ULK4: variants seen among roughly 807,000 people sequenced by gnomAD.
ULK4 encodes inactive serine/threonine-protein kinase ULK4.
Under a neutral mutation model 160.6 loss-of-function variants are expected in ULK4, and 133 were observed. The observed-to-expected ratio is 0.83, with a 90% CI of 0.72 to 0.96. The LOEUF (loss-of-function observed/expected upper bound fraction) is 0.96, where lower values mean the gene tolerates loss of function less well. ULK4 is among the 40% of genes least tolerant of loss of function. ULK4 has a pLI of 0.00. For synonymous variants in ULK4, 534 were observed against 539.8 expected, an observed-to-expected ratio of 0.99 and a Z score of 0.15; for missense variants, 1,580 against 1,499.5, an observed-to-expected ratio of 1.05 and a Z score of -0.89.
Position 41,531,436 on chromosome 3 carries a change from G to A in ULK4, c.3226+34589C>T, listed in dbSNP as rs557084717. ...AGCCTAGGTGACAGAGCAAGACTCC[G>A]TCTCAAAAAGAGGGGAGGGGAGGGG... On this transcript the variant is annotated intron_variant, in intron 32 of 36. Transcript: ENST00000301831. Among the ~76,000 whole-genome samples the A allele has an allele frequency of 7.2e-4, 73 of 100,796 alleles. 2 individuals carry two copies. In the South Asian group the frequency reaches 0.031, roughly 43 times the overall value. 66.1% of individuals were successfully genotyped at this position (100,796 alleles called of 152,430 possible).
At chr3:41,937,663 T>C (rs1423372926) in intron 3 of ULK4, among the ~76,000 whole-genome samples, 1 of 152,182 alleles carries the variant, frequency 6.6e-6, no homozygotes, top group Non-Finnish European at 1.5e-5. Context: ...GCAATAGCTA[T>C]AACTTGTTAT....
At chr3:41,327,534 T>C (rs1414652531) in intron 35 of ULK4, among the ~76,000 whole-genome samples, 1 of 152,194 alleles carries the variant, frequency 6.6e-6, no homozygotes, top group African/African-American at 2.4e-5. Flanking sequence ...TCCAAATTCC[T>C]GATTATTAAC....
At chr3:41,400,280 A>G (rs2082152684) in intron 34 of ULK4, among the ~76,000 whole-genome samples, 1 of 152,098 alleles carries the variant, frequency 6.6e-6, no homozygotes. Context: ...TCACATGTGT[A>G]GATTTGGTGA....
At chr3:41,550,698 G>C (rs1005932012) in intron 32 of ULK4, among the ~76,000 whole-genome samples, 1 of 151,862 alleles carries the variant, frequency 6.6e-6, no homozygotes, top group Non-Finnish European at 1.5e-5. Context: ...TGGGGATTTT[G>C]ACATAACACT....
chr3:41,765,898 G>A lies in ULK4; in HGVS notation c.2194-11410C>T, dbSNP rs117108138. Among the ~76,000 whole-genome samples the A allele has an allele frequency of 6.0e-4, 92 of 152,222 alleles. No homozygotes were observed. In the East Asian group the frequency reaches 7.5e-3, roughly 12 times the overall value. On this transcript the variant is annotated intron_variant, in intron 21 of 36. Coordinates refer to ENST00000301831, the MANE Select transcript of ULK4 (RefSeq NM_017886.4). ...TATGAACAAGAAACAACTGATAAAA[G>A]GACTCTACCACCAATAAGCAAATTA... is the stretch of plus-strand genomic sequence containing the variant.
At chr3:41,252,545 A>C (rs866297859) in intron 35 of ULK4, among the ~76,000 whole-genome samples, 5 of 151,876 alleles carry the variant, frequency 3.3e-5, no homozygotes. Flanking sequence ...CAATAAAAGG[A>C]ATGAGTCAGT....
intron 16 of ULK4, among the ~76,000 whole-genome samples, chr3:41,890,755 GGGA>G: frequency 3.4e-5 from 1 of 29,822 alleles, no homozygotes; most frequent in South Asian, 1.1e-3. Flanking sequence ...AGGGACGGGA[GGGA>G]CGGGAGGGAC....
intron 31 of ULK4, among the ~76,000 whole-genome samples, chr3:41,601,922 G>A (rs1414154303): frequency 1.3e-5 from 2 of 152,070 alleles, no homozygotes; most frequent in African/African-American, 4.8e-5. Flanking sequence ...GGCTGGACAT[G>A]GTGGCTTATA....
At chr3:41,369,622 G>A (rs546288982) in intron 35 of ULK4, among the ~76,000 whole-genome samples, 2 of 151,786 alleles carry the variant, frequency 1.3e-5, no homozygotes, top group African/African-American at 2.4e-5. Context: ...GTGAAAACCC[G>A]TCTCTACTAA....
intron 34 of ULK4, among the ~76,000 whole-genome samples, chr3:41,427,035 A>G (rs2082792439): frequency 6.6e-6 from 1 of 152,156 alleles, no homozygotes; most frequent in Non-Finnish European, 1.5e-5. Flanking sequence ...TAAAGAAGAA[A>G]AGAGAGTTGA....
intron 21 of ULK4, among the ~76,000 whole-genome samples, chr3:41,788,611 A>G (rs2040062477): frequency 6.6e-6 from 1 of 151,900 alleles, no homozygotes; most frequent in Admixed American, 6.6e-5. Context: ...AACAGCGTGA[A>G]CCCAGGAGGC....
intron 22 of ULK4, among the ~76,000 whole-genome samples, chr3:41,726,080 A>G (rs1313172273): frequency 6.6e-6 from 1 of 152,244 alleles, no homozygotes; most frequent in Non-Finnish European, 1.5e-5. Context: ...ACTTGTCTAT[A>G]AGGAATAAAT....
chr3:41,920,354 C>T (rs1452009572), intron 5 of ULK4, among the ~76,000 whole-genome samples: 1 of 152,192 alleles, frequency 6.6e-6, no homozygotes, highest in African/African-American at 2.4e-5. Context: ...ACTTAGTTGG[C>T]TTTGACCAGG....
At chr3:41,949,226 T>C (rs1295790821) in intron 2 of ULK4, among the ~76,000 whole-genome samples, 2 of 151,600 alleles carry the variant, frequency 1.3e-5, no homozygotes, top group Non-Finnish European at 2.9e-5. Flanking sequence ...GGAGAATCGT[T>C]TGAACCTGGG....
intron 34 of ULK4, among the ~76,000 whole-genome samples, chr3:41,449,263 A>G (rs1025375346): frequency 6.6e-6 from 1 of 151,766 alleles, no homozygotes; most frequent in Non-Finnish European, 1.5e-5. Flanking sequence ...AGGTCTCACT[A>G]TGTTGCCCAG....
intron 35 of ULK4, among the ~76,000 whole-genome samples, chr3:41,314,680 A>G (rs1035528410): frequency 3.9e-5 from 6 of 152,220 alleles, no homozygotes; most frequent in African/African-American, 1.4e-4. Context: ...ATCCGTTTTT[A>G]ATTTAACTGT....
At chr3:41,461,929 G>A (rs915026474) in intron 33 of ULK4, among the ~76,000 whole-genome samples, 22 of 152,166 alleles carry the variant, frequency 1.4e-4, no homozygotes, top group Non-Finnish European at 3.1e-4. Flanking sequence ...GAGAGGAAAA[G>A]ATAGGAGAAA....
chr3:41,762,680 T>G (rs2039026590), intron 21 of ULK4, among the ~76,000 whole-genome samples: 1 of 136,302 alleles, frequency 7.3e-6, no homozygotes, highest in Non-Finnish European at 1.6e-5. Context: ...TTTTTTTTTT[T>G]GAGACAGAGT....
intron 32 of ULK4, among the ~76,000 whole-genome samples, chr3:41,514,700 T>A (rs549003710): frequency 2.0e-5 from 3 of 152,258 alleles, no homozygotes; most frequent in African/African-American, 7.2e-5. Context: ...CATTGCATGT[T>A]CTTATTCATA....
Sources: allele counts gnomAD v4.1 joint callset (sites outside exome capture counted in the v4.1 genomes callset), GRCh38; gene constraint gnomAD v4.1.1; transcripts MANE v1.5; gene names NCBI Gene and HGNC (gene_info 2026-07-23, HGNC 2026-07-21).